INTS2: variants seen among roughly 807,000 people sequenced by gnomAD.
INTS2 encodes KIAA1287.
A neutral mutation model predicts 139.6 loss-of-function variants in INTS2; 57 were observed. The observed-to-expected ratio is 0.41, with a 90% CI of 0.33 to 0.51. The LOEUF (loss-of-function observed/expected upper bound fraction) is 0.51. INTS2 is among the 20% of genes least tolerant of loss of function. The pLI is 0.28. For synonymous variants in INTS2, 473 were observed against 493.4 expected (o/e 0.96, Z 0.55); for missense variants, 1,196 against 1,436.7 (o/e 0.83, Z 2.71).
chr17:61,888,703 C>T (rs1210126452), intron 15 of INTS2, among the ~76,000 whole-genome samples: 2 of 151,910 alleles, frequency 1.3e-5, no homozygotes, highest in Admixed American at 1.3e-4. Context: ...GAATGAGCTA[C>T]CATACCCAGC....
At chr17:61,912,174 G>A (rs1276916456) in intron 5 of INTS2, 104 bp from the exon 6 acceptor site, 3 of 1,225,308 alleles carry the variant, frequency 2.4e-6, no homozygotes, top group African/African-American at 3.1e-5. Flanking sequence ...CACAACAACA[G>A]AAATTGGCCA....
rs1447880094 is a variant in INTS2, at chr17:61,876,175, TAAAAATA to T, written c.2457-1144_2457-1138del. Among the ~76,000 whole-genome samples the T allele has an allele frequency of 6.6e-6, 1 of 152,054 alleles. No homozygotes were observed. The highest frequency in any genetic ancestry group is 1.5e-5 in the Non-Finnish European group (1 of 68,000). ...AAAGCAAGACCCTGTATCTAAAAAG[TAAAAATA>T]AAAAATAATTTTTTAAAAAATGAAC... On this transcript the variant is annotated intron_variant, in intron 18 of 24. Coordinates refer to ENST00000251334, the MANE Select transcript of INTS2 (RefSeq NM_001351695.2). This position sits in a 1 kb window ranked among gnomAD's most constrained non-coding sequence, Gnocchi z 4.1.
At position 61,867,682 on chromosome 17, in the gene INTS2, A is replaced by G; in HGVS notation, c.3466T>C (p.Cys1156Arg). 5 of 1,612,292 alleles carry G rather than the reference A, an allele frequency of 3.1e-6. No homozygotes were observed. The highest frequency in any genetic ancestry group is 4.2e-6 in the Non-Finnish European group (5 of 1,178,940). The change falls in exon 25 of 25, where the codon TGT (cysteine) becomes CGT (arginine). Residue 1156 changes from cysteine to arginine, a missense_variant. Coordinates refer to ENST00000251334, the MANE Select transcript of INTS2 (RefSeq NM_001351695.2). This position sits in a 1 kb window ranked among gnomAD's most constrained non-coding sequence, Gnocchi z 5.6. ...KEKPSGWSQI[C>R]KDSSYKNGSR... ...CCATTTTTATAAGATGAATCTTTAC[A>G]GATTTGAGACCATCCACTTGGTTTC...
Position 61,866,359 on chromosome 17 carries a change from GA to G in INTS2, c.*1197del, listed in dbSNP as rs959957321. On this transcript the variant is annotated 3_prime_UTR_variant, in exon 25 of 25. Coordinates refer to ENST00000251334, the MANE Select transcript of INTS2 (RefSeq NM_001351695.2). ...GCAACAGGGGAAGACTCCACCTCAG[GA>G]AAAAAAAAAAAAAAACACAAGTGAA... The G allele has an allele frequency of 7.9e-3, 906 of 114,840 alleles. 3 individuals are homozygous for G. The highest frequency in any genetic ancestry group is 0.014 in the African/African-American group (448 of 31,062). 7.1% of individuals were successfully genotyped at this position (114,840 alleles called of 1,614,324 possible).
intron 13 of INTS2, among the ~76,000 whole-genome samples, chr17:61,891,942 A>C (rs2079299185): frequency 6.6e-6 from 1 of 152,106 alleles, no homozygotes; most frequent in South Asian, 2.1e-4. Context: ...TTAGTTTTTA[A>C]GTAGTGGGAA....
chr17:61,878,808 G>A (rs2079148445), intron 17 of INTS2, among the ~76,000 whole-genome samples: 1 of 150,878 alleles, frequency 6.6e-6, no homozygotes, highest in Admixed American at 6.6e-5. Flanking sequence ...TGGATGTGGT[G>A]GTGTACCTGT....
chr17:61,889,872 TG>T lies in INTS2; in HGVS notation c.1897del (p.Gln633SerfsTer23). The T allele has an allele frequency of 6.2e-7, 1 of 1,610,190 alleles. No individual in the cohort carries two copies. The highest frequency in any genetic ancestry group is 8.5e-7 in the Non-Finnish European group (1 of 1,177,206). ...VIGGDNIRLN[Q>X]RFSITAQLLV... ...AAGCTGTGCTGTGATACTGAAACGC[TG>T]ATTAAGGCGGATGTTGTCACCCTGG... On this transcript the variant is annotated frameshift_variant, in exon 15 of 25. Coordinates refer to ENST00000251334, the MANE Select transcript of INTS2 (RefSeq NM_001351695.2). LOFTEE classifies it high-confidence loss of function.
intron 5 of INTS2, among the ~76,000 whole-genome samples, chr17:61,916,092 A>G (rs1307461288): frequency 6.6e-6 from 1 of 152,130 alleles, no homozygotes; most frequent in African/African-American, 2.4e-5. Context: ...CTAACTTCAA[A>G]CTATACTACA....
rs1049053892 is a variant in INTS2, at chr17:61,865,931, T to A, written c.*1626A>T. 2.6e-5 allele frequency: 4 copies of A among 152,542 alleles called. No individual in the cohort carries two copies. The highest frequency in any genetic ancestry group is 6.5e-5 in the Admixed American group (1 of 15,272). The allele number at this position is 152,542 out of a possible 1,614,324, so 9.4% of individuals were successfully genotyped here. On this transcript the variant is annotated 3_prime_UTR_variant, in exon 25 of 25. Transcript: ENST00000251334. The surrounding 1 kb of genome is among the most constrained non-coding windows in gnomAD (Gnocchi z 4.8). ...TGAAACAGCTACAAACTCATTCTCATAGAATATGAGGTAGGGCCAGTAGTA... is the reference window on the plus strand; with the variant it reads ...TGAAACAGCTACAAACTCATTCTCAAAGAATATGAGGTAGGGCCAGTAGTA...
At chr17:61,916,665 T>G (rs1015277225) in intron 5 of INTS2, among the ~76,000 whole-genome samples, 1 of 152,188 alleles carries the variant, frequency 6.6e-6, no homozygotes, top group Non-Finnish European at 1.5e-5. Flanking sequence ...AGATTAAAGA[T>G]TTAGATGTAA....
intron 18 of INTS2, among the ~76,000 whole-genome samples, chr17:61,877,156 G>A (rs191338394): frequency 3.7e-4 from 56 of 152,222 alleles, no homozygotes; most frequent in Admixed American, 7.9e-4. Flanking sequence ...AAAGTCAACA[G>A]ATAATTTCTA....
intron 14 of INTS2, among the ~76,000 whole-genome samples, chr17:61,890,878 G>C (rs1168173157): frequency 1.4e-5 from 2 of 140,508 alleles, no homozygotes; most frequent in Non-Finnish European, 3.1e-5. Context: ...AGCCTACTCA[G>C]GAGGCTGAAG....
At chr17:61,903,520 A>G (rs77846481) in intron 9 of INTS2, among the ~76,000 whole-genome samples, 2 of 152,270 alleles carry the variant, frequency 1.3e-5, no homozygotes, top group African/African-American at 4.8e-5. Flanking sequence ...TCTCCTCAAG[A>G]AGATGAAACT....
At chr17:61,898,716 C>T (rs112358329) in intron 9 of INTS2, among the ~76,000 whole-genome samples, 3,571 of 152,104 alleles carry the variant, frequency 0.023, 60 homozygotes, top group Non-Finnish European at 0.034. Context: ...CGGGTTCAAG[C>T]GATTCTCCTA....
chr17:61,902,079 G>A (rs1421775227), intron 9 of INTS2, among the ~76,000 whole-genome samples: 2 of 152,136 alleles, frequency 1.3e-5, no homozygotes, highest in Non-Finnish European at 2.9e-5. Flanking sequence ...CTAACTTCCA[G>A]TGTTGTCAGG....
chr17:61,878,085 A>G lies in INTS2; in HGVS notation c.2258T>C (p.Phe753Ser). ...NHSPKQLQEA[F>S]SAVPVNNTQV... ...TGTGTTATTTACTGGGACAGCTGAA[A>G]ATGCTAAAAAGAAAATTTAGCAATC... The change falls in exon 18 of 25, where the codon TTT (phenylalanine) becomes TCT (serine). Residue 753 changes from phenylalanine (F) to serine (S), a missense_variant. This residue lies in a region of INTS2 where 1,129 missense variants were observed against 1,341.9 expected (regional missense o/e 0.84). Coordinates refer to ENST00000251334, the MANE Select transcript of INTS2 (RefSeq NM_001351695.2). 6.2e-7 allele frequency: 1 copy of G among 1,602,708 alleles called. No individual in the cohort carries two copies. The highest frequency in any genetic ancestry group is 1.1e-5 in the South Asian group (1 of 90,854).
chr17:61,919,569 C>A (rs1228986054), intron 4 of INTS2, 56 bp from the exon 5 acceptor site: 1 of 883,544 alleles, frequency 1.1e-6, no homozygotes, highest in Non-Finnish European at 1.8e-6. Context: ...TCCACCACAC[C>A]CAGCTAATTT....
chr17:61,927,442 T>G (rs1472597280), intron 1 of INTS2: 1 of 167,252 alleles, frequency 6.0e-6, no homozygotes, highest in Non-Finnish European at 1.3e-5. Context: ...TGGGTAAAAG[T>G]CGTGGGTAAA....
intron 5 of INTS2, among the ~76,000 whole-genome samples, chr17:61,912,366 G>T (rs1331989265): frequency 6.8e-5 from 7 of 102,748 alleles, no homozygotes; most frequent in African/African-American, 2.5e-4. Context: ...GGAGGCCAAG[G>T]TGGGGGCGGG....
Sources: allele counts gnomAD v4.1 joint callset (sites outside exome capture counted in the v4.1 genomes callset), GRCh38; gene constraint gnomAD v4.1.1; regional missense constraint gnomAD v4.1.1; non-coding constraint Gnocchi (gnomAD v3.1); transcripts MANE v1.5; gene names NCBI Gene and HGNC (gene_info 2026-07-23, HGNC 2026-07-21).